The following CA10 variants were observed in gnomAD, a reference collection of about 807,000 sequenced individuals.
The protein encoded by CA10 is carbonic anhydrase-related protein 10.
A neutral mutation model predicts 44.2 loss-of-function variants in CA10; 14 were observed. The observed-to-expected ratio is 0.32, with a 90% CI of 0.21 to 0.50. The LOEUF (loss-of-function observed/expected upper bound fraction) is 0.50, where lower values mean the gene tolerates loss of function less well. CA10 is among the 20% of genes least tolerant of loss of function. CA10 has a pLI of 0.99. For missense variants in CA10, 350 were observed against 409.7 expected, an observed-to-expected ratio of 0.85 and a Z score of 1.26; for synonymous variants, 159 against 141.6, an observed-to-expected ratio of 1.12 and a Z score of -0.87.
intron 3 of CA10, among the ~76,000 whole-genome samples, chr17:51,783,702 G>T (rs1311233042): frequency 1.3e-5 from 2 of 152,194 alleles, no homozygotes. Context: ...GTTTAAAGGG[G>T]GGTCCTTTTC....
intron 3 of CA10, among the ~76,000 whole-genome samples, chr17:51,825,502 G>T (rs180782189): frequency 1.8e-4 from 28 of 152,262 alleles, no homozygotes; most frequent in Non-Finnish European, 3.2e-4. Flanking sequence ...GCACAGAGAG[G>T]TTAAGTAACT....
chr17:52,011,270 C>A (rs999188598), intron 2 of CA10, among the ~76,000 whole-genome samples: 1 of 151,910 alleles, frequency 6.6e-6, no homozygotes, highest in Non-Finnish European at 1.5e-5. Context: ...CCATAGTCAG[C>A]AATCCTGGGC....
At chr17:52,084,805 T>C (rs920947258) in intron 1 of CA10, among the ~76,000 whole-genome samples, 6 of 93,720 alleles carry the variant, frequency 6.4e-5, no homozygotes, top group Non-Finnish European at 1.3e-4. Context: ...CATCACAGAA[T>C]ACAGACTATA....
At chr17:51,861,573 G>T (rs1285998855) in intron 3 of CA10, among the ~76,000 whole-genome samples, 16 of 150,370 alleles carry the variant, frequency 1.1e-4, no homozygotes, top group African/African-American at 3.9e-4. Context: ...GATGATTTGG[G>T]TCAACTTTCT....
intron 3 of CA10, among the ~76,000 whole-genome samples, chr17:51,872,077 C>T (rs548390255): frequency 6.6e-6 from 1 of 152,236 alleles, no homozygotes; most frequent in African/African-American, 2.4e-5. Flanking sequence ...ATGGGAAAAG[C>T]ATACCCAGGT....
intron 3 of CA10, among the ~76,000 whole-genome samples, chr17:51,891,038 T>G (rs978085429): frequency 1.3e-5 from 2 of 152,216 alleles, no homozygotes; most frequent in Non-Finnish European, 1.5e-5. Context: ...AAGAAAATAA[T>G]TTTGATTGAA....
intron 2 of CA10, among the ~76,000 whole-genome samples, chr17:52,054,902 T>C (rs1358025732): frequency 6.6e-6 from 1 of 152,054 alleles, no homozygotes; most frequent in Middle Eastern, 3.2e-3. Flanking sequence ...GAAGAAAATT[T>C]TTCTAGGAAG....
chr17:52,096,049 A>T (rs1020295064), intron 1 of CA10, among the ~76,000 whole-genome samples: 2 of 152,158 alleles, frequency 1.3e-5, no homozygotes, highest in Admixed American at 6.5e-5. Flanking sequence ...AAACCAGGCT[A>T]GTCCTATTTA....
At chr17:51,721,398 T>G (rs899687228) in intron 4 of CA10, among the ~76,000 whole-genome samples, 1 of 152,028 alleles carries the variant, frequency 6.6e-6, no homozygotes, top group Non-Finnish European at 1.5e-5. Context: ...CAGGCTAGAG[T>G]GCAGTGGCTC....
chr17:51,894,350 T>A (rs1442259811), intron 3 of CA10, among the ~76,000 whole-genome samples: 1 of 152,014 alleles, frequency 6.6e-6, no homozygotes, highest in Non-Finnish European at 1.5e-5. Context: ...TGGTGAATCA[T>A]CTGTGAGAGG....
intron 4 of CA10, among the ~76,000 whole-genome samples, chr17:51,700,817 A>G (rs1915573569): frequency 6.6e-6 from 1 of 152,164 alleles, no homozygotes; most frequent in Non-Finnish European, 1.5e-5. Context: ...TAACACAGGA[A>G]CAGAAAACCA....
At chr17:52,096,665 T>A (rs1988408991) in intron 1 of CA10, among the ~76,000 whole-genome samples, 2 of 152,206 alleles carry the variant, frequency 1.3e-5, no homozygotes, top group Admixed American at 1.3e-4. Context: ...CTAAATGTAC[T>A]AAGATTTATT....
intron 3 of CA10, among the ~76,000 whole-genome samples, chr17:51,823,802 C>T (rs17665598): frequency 0.052 from 7,869 of 152,228 alleles, 293 homozygotes; most frequent in Middle Eastern, 0.075. Flanking sequence ...CCAAACTTTT[C>T]TTTTTCTAGC....
chr17:52,099,614 G>C (rs1040293435), intron 1 of CA10, among the ~76,000 whole-genome samples: 6 of 152,176 alleles, frequency 3.9e-5, no homozygotes, highest in Non-Finnish European at 5.9e-5. Context: ...TCCACATGTT[G>C]GTGGCAAGCT....
chr17:51,996,021 G>A (rs1217249947), intron 2 of CA10, among the ~76,000 whole-genome samples: 2 of 152,044 alleles, frequency 1.3e-5, no homozygotes, highest in African/African-American at 2.4e-5. Context: ...ACTATTGAAA[G>A]CTTAATGATA....
intron 1 of CA10, among the ~76,000 whole-genome samples, chr17:52,090,746 C>T (rs991847467): frequency 6.6e-6 from 1 of 152,112 alleles, no homozygotes; most frequent in African/African-American, 2.4e-5. Flanking sequence ...AGCAGTCTAA[C>T]TCTCACAGAA....
intron 1 of CA10, among the ~76,000 whole-genome samples, chr17:52,127,094 A>T (rs1231852778): frequency 6.6e-6 from 1 of 152,182 alleles, no homozygotes; most frequent in Non-Finnish European, 1.5e-5. Context: ...CTGTTCCCTC[A>T]TCATAACCTT....
At chr17:51,702,811 A>G (rs1915644988) in intron 4 of CA10, among the ~76,000 whole-genome samples, 1 of 152,200 alleles carries the variant, frequency 6.6e-6, no homozygotes, top group South Asian at 2.1e-4. Flanking sequence ...TGCCAAATCT[A>G]CAAGAATCTC....
At chr17:51,774,482 C>T (rs1272191220) in intron 3 of CA10, among the ~76,000 whole-genome samples, 1 of 151,886 alleles carries the variant, frequency 6.6e-6, no homozygotes, top group Admixed American at 6.6e-5. Context: ...CTCTGTTGCC[C>T]AAGGTGGAGT....
Sources: allele counts gnomAD v4.1 joint callset (sites outside exome capture counted in the v4.1 genomes callset), GRCh38; gene constraint gnomAD v4.1.1; transcripts MANE v1.5; gene names NCBI Gene and HGNC (gene_info 2026-07-23, HGNC 2026-07-21).